Variants in FAAH2 observed in about 807,000 individuals in gnomAD.
FAAH2 encodes fatty acid amide hydrolase 2.
Under a neutral mutation model 36.9 loss-of-function variants are expected in FAAH2, and 60 were observed. The observed-to-expected ratio is 1.63, with a 90% CI of 1.32 to 2.02. The LOEUF (loss-of-function observed/expected upper bound fraction) is 2.02. Among genes scored for constraint, FAAH2 ranks in the 30% most tolerant of loss-of-function variants. The probability of loss-of-function intolerance (pLI) is 0.00; values close to 1 mark genes in which losing one functional copy is unlikely to be tolerated. For synonymous variants in FAAH2, 214 were observed against 143.8 expected (o/e 1.49, Z -3.49); for missense variants, 689 against 397.5 (o/e 1.73, Z -6.23).
At chrX:57,150,352 C>G in the FAAH2 span, among the ~76,000 whole-genome samples, 3 of 111,756 alleles carry the variant, frequency 2.7e-5, no homozygotes, top group Admixed American at 9.5e-5. Flanking sequence ...CTAATGTTGA[C>G]AGTGGGGTGT....
chrX:57,239,223 G>T, the FAAH2 span, among the ~76,000 whole-genome samples: 1 of 111,298 alleles, frequency 9.0e-6, no homozygotes, highest in South Asian at 3.8e-4. Context: ...AGGAAAGTCT[G>T]GTCCAGGGCT....
chrX:57,242,230 C>A, the FAAH2 span, among the ~76,000 whole-genome samples: 1 of 111,922 alleles, frequency 8.9e-6, no homozygotes, highest in Admixed American at 9.4e-5. Flanking sequence ...CTGGCAGGTG[C>A]CTCTCTGAGA....
the FAAH2 span, among the ~76,000 whole-genome samples, chrX:57,160,623 T>G: frequency 1.8e-5 from 2 of 112,315 alleles, no homozygotes; most frequent in African/African-American, 6.5e-5. Context: ...CTAGTTTATT[T>G]GCCTAGAGGT....
At chrX:57,247,002 AT>A in the FAAH2 span, among the ~76,000 whole-genome samples, 1 of 111,302 alleles carries the variant, frequency 9.0e-6, no homozygotes, top group Non-Finnish European at 1.9e-5. Context: ...GAGGAATGAA[AT>A]TTTTATTTTA....
chrX:57,403,361 C>T (rs1240943404), intron 7 of FAAH2, among the ~76,000 whole-genome samples: 1 of 112,552 alleles, frequency 8.9e-6, no homozygotes, highest in Non-Finnish European at 1.9e-5. Context: ...AGTCCTGCAC[C>T]TGTTTTCCTG....
the FAAH2 span, among the ~76,000 whole-genome samples, chrX:57,209,810 C>T: frequency 4.5e-5 from 5 of 111,187 alleles, no homozygotes. Context: ...ATTTAGGGCC[C>T]CATAGCACTT....
At chrX:57,383,472 C>G (rs1376785418) in intron 7 of FAAH2, among the ~76,000 whole-genome samples, 1 of 112,152 alleles carries the variant, frequency 8.9e-6, no homozygotes, top group Non-Finnish European at 1.9e-5. Context: ...GCAACTTCAG[C>G]AAAGACTCAG....
the FAAH2 span, among the ~76,000 whole-genome samples, chrX:57,149,160 A>G: frequency 8.9e-6 from 1 of 111,811 alleles, no homozygotes; most frequent in African/African-American, 3.3e-5. Flanking sequence ...TCGTTTTGCC[A>G]GTATTTTATT....
At position 57,424,918 on chromosome X, in the gene FAAH2, C is replaced by G. The variant is rs188534849; in HGVS notation, c.997-7000C>G. Reference sequence around the variant, plus strand: ...TTTTTGAAATACCACGTAAAGAATTCAAAACATTAATTTTAAAGATACTCA... The same window carrying G: ...TTTTTGAAATACCACGTAAAGAATTGAAAACATTAATTTTAAAGATACTCA... On this transcript the variant is annotated intron_variant, in intron 7 of 10. Transcript: ENST00000374900. 1.2e-4 allele frequency among the ~76,000 whole-genome samples: 13 copies of G among 109,531 alleles called. No homozygotes were observed. In the East Asian group the frequency reaches 3.8e-3, roughly 32 times the overall value.
the FAAH2 span, among the ~76,000 whole-genome samples, chrX:57,168,092 G>T: frequency 9.0e-6 from 1 of 111,018 alleles, no homozygotes; most frequent in Non-Finnish European, 1.9e-5. Flanking sequence ...TTTAATATTT[G>T]CAAATGCTTA....
At chrX:57,139,453 T>C in the FAAH2 span, among the ~76,000 whole-genome samples, 1 of 111,553 alleles carries the variant, frequency 9.0e-6, no homozygotes, top group African/African-American at 3.3e-5. Context: ...ACAGGTTTTT[T>C]GTTTGCTTGT....
rs1251407433 is a variant in FAAH2 at position 57,469,582 on chromosome X, C to T, written c.1424-19175C>T. ...AATACATCTGCACCCAATACAGGAG[C>T]ACCCAGATTCATAAAGCAAGTCCTG... On this transcript the variant is annotated intron_variant, in intron 10 of 10. Transcript: ENST00000374900. Among the ~76,000 whole-genome samples, 4 of 111,790 alleles carry T rather than the reference C, an allele frequency of 3.6e-5. No homozygotes were observed. In the East Asian group the frequency reaches 8.4e-4, roughly 24 times the overall value.
chrX:57,132,433 T>C, the FAAH2 span, among the ~76,000 whole-genome samples: 7 of 112,387 alleles, frequency 6.2e-5, no homozygotes, highest in Non-Finnish European at 1.3e-4. Flanking sequence ...CTGTCATCTA[T>C]GGTTTTCACT....
chrX:57,219,807 T>TA, the FAAH2 span, among the ~76,000 whole-genome samples: 1 of 87,750 alleles, frequency 1.1e-5, no homozygotes, highest in Non-Finnish European at 2.2e-5. Flanking sequence ...GGCTGCCTCA[T>TA]AAAAAAACCT....
chrX:57,333,599 TAA>T (rs60693418), intron 4 of FAAH2, among the ~76,000 whole-genome samples: 1 of 104,421 alleles, frequency 9.6e-6, no homozygotes, highest in Non-Finnish European at 1.9e-5. Context: ...ATGCTAGAAA[TAA>T]AAAAAAAATA....
chrX:57,278,219 G>C, the FAAH2 span, among the ~76,000 whole-genome samples: 1 of 111,294 alleles, frequency 9.0e-6, no homozygotes, highest in African/African-American at 3.3e-5. Flanking sequence ...TGGTAACAAA[G>C]AAGATATATG....
the FAAH2 span, among the ~76,000 whole-genome samples, chrX:57,171,746 G>A: frequency 9.0e-6 from 1 of 111,655 alleles, no homozygotes; most frequent in Non-Finnish European, 1.9e-5. Flanking sequence ...CTTTTGCTGA[G>A]CAGAAGATTT....
the FAAH2 span, among the ~76,000 whole-genome samples, chrX:57,220,422 C>T: frequency 1.5e-3 from 169 of 111,064 alleles, 1 homozygote; most frequent in Non-Finnish European, 2.7e-3. Context: ...AACTCAACCG[C>T]GCTTTCCCCT....
chrX:57,286,879 C>T lies in FAAH2; in HGVS notation c.54C>T (p.Gly18=), dbSNP rs780908655. 2.5e-6 allele frequency: 3 copies of T among 1,196,313 alleles called. No individual in the cohort carries two copies. Among genetic ancestry groups the T allele is most frequent in the East Asian group, 3.0e-5 (1 of 33,373 alleles). ...RIQLFLLRAL[G]FLIGLVGRAA... is the part of the protein sequence containing the mutation. ...AGTTGTTCCTCTTGCGGGCGCTAGG[C>T]TTTCTCATAGGCTTAGTAGGCCGAG... is the stretch of plus-strand genomic sequence containing the variant. The change falls in exon 1 of 11, where the codon GGC becomes GGT. Residue 18 remains glycine, a synonymous_variant. Transcript: ENST00000374900.
Sources: gnomAD v4.1 joint callset for allele counts (sites outside exome capture counted in the v4.1 genomes callset) on GRCh38, gnomAD v4.1.1 for gene constraint, MANE v1.5 for transcripts, NCBI Gene and HGNC (gene_info 2026-07-23, HGNC 2026-07-21) for gene names.